CHKA: variants seen among roughly 807,000 people sequenced by gnomAD.
CHKA encodes choline kinase alpha.
Under a neutral mutation model 60.1 loss-of-function variants are expected in CHKA, and 34 were observed. The ratio of observed to expected loss-of-function variants is 0.57; its 90% confidence interval spans 0.43 to 0.75. The LOEUF is 0.75. Ranked by LOEUF, CHKA falls within the 30% of genes least tolerant of loss-of-function variation. The probability of loss-of-function intolerance (pLI) is 0.00; values close to 1 mark genes in which losing one functional copy is unlikely to be tolerated. For missense variants in CHKA, 563 were observed against 561.3 expected, an observed-to-expected ratio of 1.00 and a Z score of -0.03; for synonymous variants, 217 against 223.1, an observed-to-expected ratio of 0.97 and a Z score of 0.24.
chr11:68,096,934 T>TA (rs776783159), intron 2 of CHKA, 85 bp downstream of exon 2: 2 of 911,628 alleles, frequency 2.2e-6, no homozygotes, highest in East Asian at 2.6e-5. Flanking sequence ...TTAAAGTATT[T>TA]AAAATCTCTT....
At chr11:68,115,608 G>A (rs560563778) in intron 1 of CHKA, among the ~76,000 whole-genome samples, 3 of 152,256 alleles carry the variant, frequency 2.0e-5, no homozygotes, top group African/African-American at 7.2e-5. Context: ...AGGTGGCTGA[G>A]GCAGGAGGGA....
intron 4 of CHKA, 131 bp from the exon 5 acceptor site, chr11:68,070,988 AAG>A: frequency 1.2e-6 from 1 of 820,932 alleles, no homozygotes; most frequent in East Asian, 2.7e-5. Flanking sequence ...AAATTCCCTT[AAG>A]AATGGACACT....
At chr11:68,054,166 G>C (rs1246110244) in intron 11 of CHKA, 119 bp from the exon 12 acceptor site, 3 of 811,098 alleles carry the variant, frequency 3.7e-6, no homozygotes, top group Non-Finnish European at 6.2e-6. Flanking sequence ...GAGACCAAAA[G>C]CACAGGACTG....
intron 2 of CHKA, among the ~76,000 whole-genome samples, chr11:68,086,089 C>G (rs1359481871): frequency 6.6e-6 from 1 of 151,914 alleles, no homozygotes; most frequent in Non-Finnish European, 1.5e-5. Context: ...CCGAGGCAGG[C>G]GGATCACGAG....
intron 9 of CHKA, 46 bp from the exon 10 acceptor site, chr11:68,064,677 A>C (rs371678639): frequency 8.7e-7 from 1 of 1,146,964 alleles, no homozygotes; most frequent in African/African-American, 1.6e-5. Flanking sequence ...GTTAAAATAG[A>C]CAATGTCAAT....
At position 68,064,512 on chromosome 11, in the gene CHKA, G is replaced by C; in HGVS notation, c.1232+13C>G. 7.3e-7 allele frequency: 1 copy of C among 1,364,038 alleles called. No individual in the cohort carries two copies. The highest frequency in any genetic ancestry group is 1.0e-6 in the Non-Finnish European group (1 of 981,652). 84.5% of individuals were successfully genotyped at this position (1,364,038 alleles called of 1,614,324 possible). Reference sequence around the variant, plus strand: ...AAAGCTATCTTTACAAATCAAAAAAGGAAAAATGTTACCTATTAACTTCAA... The same window carrying C: ...AAAGCTATCTTTACAAATCAAAAAACGAAAAATGTTACCTATTAACTTCAA... On this transcript the variant is annotated intron_variant, in intron 10 of 11. Transcript: ENST00000265689.
At chr11:68,092,199 T>C (rs1027480120) in intron 2 of CHKA, among the ~76,000 whole-genome samples, 5 of 152,222 alleles carry the variant, frequency 3.3e-5, no homozygotes, top group Non-Finnish European at 1.5e-5. Flanking sequence ...AATTCTCTCT[T>C]TAACCATGAT....
At chr11:68,105,238 C>T (rs768290757) in intron 1 of CHKA, among the ~76,000 whole-genome samples, 7 of 151,856 alleles carry the variant, frequency 4.6e-5, no homozygotes, top group African/African-American at 7.3e-5. Flanking sequence ...ATCTCTAGGC[C>T]GGACATGGTG....
At chr11:68,100,199 C>T (rs117696935) in intron 1 of CHKA, among the ~76,000 whole-genome samples, 124 of 152,244 alleles carry the variant, frequency 8.1e-4, no homozygotes, top group Admixed American at 1.7e-3. Context: ...AAATATCCTC[C>T]CAAGTAAAAC....
At position 68,081,473 on chromosome 11, in the gene CHKA, AG is replaced by A. The variant is rs1565181659; in HGVS notation, c.463-17del. The A allele has an allele frequency of 6.2e-7, 1 of 1,605,708 alleles. No individual in the cohort carries two copies. The highest frequency in any genetic ancestry group is 1.1e-5 in the South Asian group (1 of 90,914). ...TACAGGACCTCTATGAATGAGAAAA[AG>A]GAAACACTTCTGGTGAGATGGGGAA... On this transcript the variant is annotated splice_polypyrimidine_tract_variant and intron_variant, in intron 2 of 11. Coordinates refer to ENST00000265689, the MANE Select transcript of CHKA (RefSeq NM_001277.3).
At chr11:68,099,412 T>C (rs1282059095) in intron 1 of CHKA, among the ~76,000 whole-genome samples, 1 of 152,244 alleles carries the variant, frequency 6.6e-6, no homozygotes, top group Non-Finnish European at 1.5e-5. Flanking sequence ...TAAGACATAT[T>C]TAAGAGGTTT....
intron 10 of CHKA, 42 bp downstream of exon 10, chr11:68,064,483 G>A (rs1311964625): frequency 1.0e-6 from 1 of 1,000,832 alleles, no homozygotes; most frequent in Non-Finnish European, 1.5e-6. Context: ...AGTCTATAAA[G>A]AGGAAAGCTA....
At chr11:68,117,004 C>G (rs1858412570) in intron 1 of CHKA, among the ~76,000 whole-genome samples, 1 of 152,096 alleles carries the variant, frequency 6.6e-6, no homozygotes, top group Non-Finnish European at 1.5e-5. Context: ...CAGGCACTAT[C>G]CTAGTGCTGG....
At chr11:68,056,136 T>C (rs1217712160) in intron 11 of CHKA, among the ~76,000 whole-genome samples, 2 of 152,238 alleles carry the variant, frequency 1.3e-5, no homozygotes, top group African/African-American at 2.4e-5. Context: ...TTATTAAATA[T>C]ACATTTGTAG....
At chr11:68,092,213 A>G (rs1857372510) in intron 2 of CHKA, among the ~76,000 whole-genome samples, 1 of 152,180 alleles carries the variant, frequency 6.6e-6, no homozygotes, top group Non-Finnish European at 1.5e-5. Flanking sequence ...CCATGATGTG[A>G]TTTATTATTG....
At chr11:68,106,785 G>A (rs771599390) in intron 1 of CHKA, among the ~76,000 whole-genome samples, 2 of 152,192 alleles carry the variant, frequency 1.3e-5, no homozygotes, top group Admixed American at 6.5e-5. Flanking sequence ...AAAGGATAAA[G>A]CTCAGTCTTA....
At chr11:68,062,977 A>AC (rs1379946628) in intron 10 of CHKA, among the ~76,000 whole-genome samples, 1 of 152,034 alleles carries the variant, frequency 6.6e-6, no homozygotes, top group Non-Finnish European at 1.5e-5. Context: ...GTCACAGGAG[A>AC]CCCCAAATAA....
At chr11:68,057,609 G>A (rs913530545) in intron 11 of CHKA, among the ~76,000 whole-genome samples, 4 of 152,094 alleles carry the variant, frequency 2.6e-5, no homozygotes, top group East Asian at 1.9e-4. Context: ...GTGAGCCACC[G>A]CGACCAGTCT....
chr11:68,116,066 T>A (rs1858372539), intron 1 of CHKA, among the ~76,000 whole-genome samples: 1 of 152,200 alleles, frequency 6.6e-6, no homozygotes, highest in African/African-American at 2.4e-5. Flanking sequence ...CTCCATCTTT[T>A]GATATGATTC....
Sources: allele counts gnomAD v4.1 joint callset (sites outside exome capture counted in the v4.1 genomes callset), GRCh38; gene constraint gnomAD v4.1.1; transcripts MANE v1.5; gene names NCBI Gene and HGNC (gene_info 2026-07-23, HGNC 2026-07-21).